C11orf97: variants seen among roughly 807,000 people sequenced by gnomAD.
C11orf97 encodes uncharacterized protein C11orf97.
In C11orf97, 15 loss-of-function variants were observed where a neutral mutation model predicts 16.2. The observed-to-expected ratio is 0.93, with a 90% CI of 0.62 to 1.43. The LOEUF (loss-of-function observed/expected upper bound fraction) is 1.43, where lower values mean the gene tolerates loss of function less well. Ranked by LOEUF, C11orf97 falls within the 40% of genes most tolerant of loss-of-function variation. The pLI, the probability that C11orf97 is intolerant of heterozygous loss-of-function variation, is 0.00. For missense variants in C11orf97, 171 were observed against 161.2 expected (o/e 1.06, Z -0.33); for synonymous variants, 61 against 65.7 (o/e 0.93, Z 0.34).
intron 2 of C11orf97, among the ~76,000 whole-genome samples, chr11:94,524,964 C>T (rs901446811): frequency 6.6e-6 from 1 of 150,908 alleles, no homozygotes; most frequent in Admixed American, 6.6e-5. Flanking sequence ...GAGGCTGAGG[C>T]AGGAGAATTG....
intron 1 of C11orf97, among the ~76,000 whole-genome samples, chr11:94,514,934 C>T (rs775888660): frequency 3.3e-5 from 5 of 152,116 alleles, no homozygotes; most frequent in African/African-American, 7.2e-5. Context: ...CATGAGCCAC[C>T]GCGCCTGGCC....
At chr11:94,519,042 G>A (rs1431242697) in intron 2 of C11orf97, among the ~76,000 whole-genome samples, 1 of 151,988 alleles carries the variant, frequency 6.6e-6, no homozygotes, top group Non-Finnish European at 1.5e-5. Flanking sequence ...CTGAGTAGCT[G>A]GGATTACAGG....
intron 2 of C11orf97, among the ~76,000 whole-genome samples, chr11:94,523,432 A>C (rs1160284524): frequency 1.3e-5 from 2 of 152,238 alleles, no homozygotes; most frequent in Non-Finnish European, 2.9e-5. Flanking sequence ...TTTCAGTAAG[A>C]GTCCAGATTG....
intron 2 of C11orf97, among the ~76,000 whole-genome samples, chr11:94,518,893 G>A (rs905550378): frequency 6.6e-6 from 1 of 151,630 alleles, no homozygotes; most frequent in African/African-American, 2.4e-5. Flanking sequence ...ATTACATGAT[G>A]TATGTTGTGC....
chr11:94,528,135 T>G lies in C11orf97; in HGVS notation c.302T>G (p.Leu101Trp). Residue 101 changes from leucine to tryptophan, a missense_variant, in exon 3 of 4, where the codon TTG (leucine) becomes TGG (tryptophan). Coordinates refer to ENST00000542198, the MANE Select transcript of C11orf97 (RefSeq NM_001190462.2). Reference sequence around the variant, plus strand: ...AAAAGGAATCTGCCTGTGGGAGGCTTGAAGCCAGGACTGCCGAGCAGAAAC... The same window carrying G: ...AAAAGGAATCTGCCTGTGGGAGGCTGGAAGCCAGGACTGCCGAGCAGAAAC... Reference protein sequence around the residue: ...SIKRNLPVGGLKPGLPSRNSL... With the variant: ...SIKRNLPVGGWKPGLPSRNSL... 6.5e-7 allele frequency: 1 copy of G among 1,535,922 alleles called. No homozygotes were observed. Among genetic ancestry groups the G allele is most frequent in the Non-Finnish European group, 8.7e-7 (1 of 1,146,776 alleles).
At chr11:94,519,523 T>C (rs2135179714) in intron 2 of C11orf97, among the ~76,000 whole-genome samples, 1 of 152,358 alleles carries the variant, frequency 6.6e-6, no homozygotes, top group East Asian at 1.9e-4. Context: ...CTGTATGTTG[T>C]ATTATTCTTA....
At position 94,517,666 on chromosome 11, in the gene C11orf97, C is replaced by CACATTAAAA. The variant is rs1947622306; in HGVS notation, c.231_239dup (p.Ile78_Asn80dup). ...ACGTCATATTAAGAGAGATGAATGC[C>CACATTAAAA]ACATTAAAAATCCAGCTGCAGGTAA... On this transcript the variant is annotated inframe_insertion, in exon 2 of 4. Coordinates refer to ENST00000542198, the MANE Select transcript of C11orf97 (RefSeq NM_001190462.2). 2.0e-6 allele frequency: 3 copies of CACATTAAAA among 1,525,658 alleles called. No homozygotes were observed. The highest frequency in any genetic ancestry group is 2.6e-6 in the Non-Finnish European group (3 of 1,142,550). 94.5% of individuals were successfully genotyped at this position (1,525,658 alleles called of 1,614,324 possible). A position where few individuals can be genotyped will look rare whatever the true frequency, so the allele number is the denominator to read the frequency against.
chr11:94,529,334 T>C (rs183408346), intron 3 of C11orf97, among the ~76,000 whole-genome samples: 1,574 of 151,720 alleles, frequency 0.01, 11 homozygotes, highest in Middle Eastern at 0.044. Flanking sequence ...AGGGAAAAAA[T>C]ACAGCCACTA....
At chr11:94,515,596 C>CT (rs143387940) in intron 1 of C11orf97, among the ~76,000 whole-genome samples, 27 of 149,146 alleles carry the variant, frequency 1.8e-4, no homozygotes, top group Non-Finnish European at 3.1e-4. Flanking sequence ...TCCCTTTCTC[C>CT]TTTTTTTTCC....
At chr11:94,513,974 A>G (rs976123529) in intron 1 of C11orf97, among the ~76,000 whole-genome samples, 1 of 152,122 alleles carries the variant, frequency 6.6e-6, no homozygotes, top group African/African-American at 2.4e-5. Flanking sequence ...TGCCCGGCTA[A>G]TGTTTTCGCA....
intron 1 of C11orf97, among the ~76,000 whole-genome samples, chr11:94,514,024 G>C (rs577555245): frequency 1.3e-5 from 2 of 152,244 alleles, no homozygotes; most frequent in South Asian, 4.1e-4. Context: ...TGGTCAGGCT[G>C]GTCTTCAACT....
intron 1 of C11orf97, among the ~76,000 whole-genome samples, chr11:94,512,935 A>G (rs1947581282): frequency 7.8e-6 from 1 of 128,126 alleles, no homozygotes; most frequent in Non-Finnish European, 1.7e-5. Flanking sequence ...CGTTATTCTG[A>G]AAGGAATTAA....
At chr11:94,514,923 GCATGAGCCA>G (rs1051769467) in intron 1 of C11orf97, among the ~76,000 whole-genome samples, 1 of 152,042 alleles carries the variant, frequency 6.6e-6, no homozygotes, top group Non-Finnish European at 1.5e-5. Context: ...GGGATTACAG[GCATGAGCCA>G]CCGCGCCTGG....
rs74856792 is a variant in C11orf97 at position 94,523,040 on chromosome 11, C to G, written c.251-5044C>G. Among the ~76,000 whole-genome samples, 1,103 of 152,258 alleles carry G rather than the reference C, an allele frequency of 7.2e-3. 14 individuals carry two copies. Among genetic ancestry groups the G allele is most frequent in the African/African-American group, 0.025 (1,051 of 41,524 alleles). Reference sequence around the variant, plus strand: ...CCACTCCAGTGGGAAACATCACAAGCTATGTATGTTCACGTGCCCGCTGCA... The same window carrying G: ...CCACTCCAGTGGGAAACATCACAAGGTATGTATGTTCACGTGCCCGCTGCA... On this transcript the variant is annotated intron_variant, in intron 2 of 3. Coordinates refer to ENST00000542198, the MANE Select transcript of C11orf97 (RefSeq NM_001190462.2).
chr11:94,512,950 C>T (rs1488646139), intron 1 of C11orf97, among the ~76,000 whole-genome samples: 1 of 151,512 alleles, frequency 6.6e-6, no homozygotes, highest in Non-Finnish European at 1.5e-5. Flanking sequence ...AATTAACACA[C>T]ACACACACAC....
chr11:94,522,705 A>G (rs1463859066), intron 2 of C11orf97, among the ~76,000 whole-genome samples: 1 of 152,180 alleles, frequency 6.6e-6, no homozygotes, highest in Non-Finnish European at 1.5e-5. Context: ...TTAGACTGTG[A>G]GGGGTACCTT....
chr11:94,513,011 G>A (rs1947582237), intron 1 of C11orf97, among the ~76,000 whole-genome samples: 1 of 152,090 alleles, frequency 6.6e-6, no homozygotes, highest in Non-Finnish European at 1.5e-5. Context: ...ATATGTATAT[G>A]TGTATGTATG....
At chr11:94,529,977 C>T (rs1947726288) in intron 3 of C11orf97, among the ~76,000 whole-genome samples, 1 of 152,168 alleles carries the variant, frequency 6.6e-6, no homozygotes, top group Non-Finnish European at 1.5e-5. Flanking sequence ...CAAGAAAACT[C>T]ACTAAGTAAT....
At chr11:94,515,270 A>T (rs1205142428) in intron 1 of C11orf97, among the ~76,000 whole-genome samples, 1 of 152,102 alleles carries the variant, frequency 6.6e-6, no homozygotes, top group Admixed American at 6.6e-5. Context: ...AATATATATA[A>T]GATGCAATTG....
Sources: gnomAD v4.1 joint callset for allele counts (sites outside exome capture counted in the v4.1 genomes callset) on GRCh38, gnomAD v4.1.1 for gene constraint, MANE v1.5 for transcripts, NCBI Gene and HGNC (gene_info 2026-07-23, HGNC 2026-07-21) for gene names.